ZDHHC18: variants seen among roughly 807,000 people sequenced by gnomAD.
ZDHHC18 encodes palmitoyltransferase ZDHHC18.
ZDHHC18 carries 23 observed loss-of-function variants against 37.5 expected under a neutral mutation model. The observed-to-expected ratio is 0.61, with a 90% CI of 0.44 to 0.87. The LOEUF (loss-of-function observed/expected upper bound fraction) is 0.87. Among genes scored for constraint, ZDHHC18 ranks in the 40% least tolerant of loss-of-function variants. The pLI is 0.00. For missense variants in ZDHHC18, 406 were observed against 525.6 expected (o/e 0.77, Z 2.22); for synonymous variants, 185 against 218.7 (o/e 0.85, Z 1.36).
chr1:26,848,865 C>G, intron 3 of ZDHHC18, 108 bp downstream of exon 3: 1 of 1,433,990 alleles, frequency 7.0e-7, no homozygotes, highest in East Asian at 2.5e-5. Context: ...CTGAAATACC[C>G]AGGGCTGGGC....
At chr1:26,830,902 C>T (rs577900310) in intron 1 of ZDHHC18, among the ~76,000 whole-genome samples, 12 of 152,274 alleles carry the variant, frequency 7.9e-5, no homozygotes, top group African/African-American at 2.9e-4. Flanking sequence ...CCTGTCTCAG[C>T]CTCCTGAGTA....
chr1:26,850,201 G>T lies in ZDHHC18; in HGVS notation c.647-100G>T. On this transcript the variant is annotated intron_variant, in intron 3 of 7. Coordinates refer to ENST00000374142, the MANE Select transcript of ZDHHC18 (RefSeq NM_032283.3). This position sits in a 1 kb window ranked among gnomAD's most constrained non-coding sequence, Gnocchi z 6.1. ...GGGAGCCAGCTGGTGCTGCGAGAGT[G>T]AACGGGGTAGGAAAGCCCCAGCCAT... 6.8e-7 allele frequency: 1 copy of T among 1,465,446 alleles called. No homozygotes were observed. The highest frequency in any genetic ancestry group is 2.1e-5 in the Admixed American group (1 of 47,620). The allele number at this position is 1,465,446 out of a possible 1,614,324, so 90.8% of individuals were successfully genotyped here. A position where few individuals can be genotyped will look rare whatever the true frequency, so the allele number is the denominator to read the frequency against.
Position 26,856,121 on chromosome 1 carries a change from C to T in ZDHHC18, c.*2278C>T, listed in dbSNP as rs1192432245. On this transcript the variant is annotated 3_prime_UTR_variant, in exon 8 of 8. Transcript: ENST00000374142. This position sits in a 1 kb window ranked among gnomAD's most constrained non-coding sequence, Gnocchi z 5.2. ...AGCTTCCCTGGCTACCACCTCCAAC[C>T]TGGGCACCAGGGCCCAGCCAGACAA... The T allele has an allele frequency of 2.3e-5, 10 of 427,448 alleles. No individual in the cohort carries two copies. Among genetic ancestry groups the T allele is most frequent in the South Asian group, 7.9e-5 (5 of 63,568 alleles). The allele number at this position is 427,448 out of a possible 1,614,324, so 26.5% of individuals were successfully genotyped here.
rs115831367 is a variant in ZDHHC18 at position 26,841,768 on chromosome 1, G to A, written c.497-6840G>A. Among the ~76,000 whole-genome samples the A allele has an allele frequency of 6.1e-3, 934 of 152,252 alleles. 4 individuals are homozygous for A. Among genetic ancestry groups the A allele is most frequent in the African/African-American group, 0.021 (877 of 41,536 alleles). ...GGAGGCTAGCACTGTGCTCAGGGCT[G>A]TGGAAGCATCTCATTCAGCCCTCAC... On this transcript the variant is annotated intron_variant, in intron 2 of 7. Transcript: ENST00000374142.
At chr1:26,840,846 AAACTTTCCCTTC>A (rs1036649840) in intron 2 of ZDHHC18, among the ~76,000 whole-genome samples, 3 of 151,730 alleles carry the variant, frequency 2.0e-5, no homozygotes, top group African/African-American at 7.3e-5. Flanking sequence ...TTGAACTCCT[AAACTTTCCCTTC>A]AACTTTCCCT....
At chr1:26,847,454 C>T (rs2081676021) in intron 2 of ZDHHC18, among the ~76,000 whole-genome samples, 1 of 152,136 alleles carries the variant, frequency 6.6e-6, no homozygotes, top group Admixed American at 6.6e-5. Context: ...TCAAGCAGTC[C>T]TCCCATCTTG....
At chr1:26,842,147 AAAAG>A (rs1399553015) in intron 2 of ZDHHC18, among the ~76,000 whole-genome samples, 4 of 148,742 alleles carry the variant, frequency 2.7e-5, no homozygotes, top group Non-Finnish European at 6.0e-5. Context: ...AAAAAAAAAA[AAAAG>A]AGAGAGAGAG....
Position 26,850,470 on chromosome 1 carries a change from A to G in ZDHHC18, c.784+32A>G, listed in dbSNP as rs1223396798. On this transcript the variant is annotated intron_variant, in intron 4 of 7. Coordinates refer to ENST00000374142, the MANE Select transcript of ZDHHC18 (RefSeq NM_032283.3). This position sits in a 1 kb window ranked among gnomAD's most constrained non-coding sequence, Gnocchi z 6.1. ...TGTGGGTGAGGGCAGTGGGGAGTGG[A>G]AGGGGTCAGCCAGCAAGCTCAAGGG... is the stretch of plus-strand genomic sequence containing the variant. The G allele has an allele frequency of 1.9e-6, 3 of 1,614,170 alleles. No individual in the cohort carries two copies. Among genetic ancestry groups the G allele is most frequent in the Non-Finnish European group, 2.5e-6 (3 of 1,180,002 alleles).
intron 2 of ZDHHC18, among the ~76,000 whole-genome samples, chr1:26,840,990 G>GA (rs200522319): frequency 1.3e-5 from 2 of 150,250 alleles, no homozygotes; most frequent in East Asian, 4.0e-4. Flanking sequence ...TTTGGGGGGA[G>GA]GGGGGGACAG....
At chr1:26,827,195 C>G in intron 1 of ZDHHC18, 56 bp downstream of exon 1, 1 of 1,264,626 alleles carries the variant, frequency 7.9e-7, no homozygotes. Flanking sequence ...ACCCCACCTT[C>G]CCAATCCCTG....
Position 26,827,104 on chromosome 1 carries a change from C to A in ZDHHC18, c.300C>A (p.Leu100=). The A allele has an allele frequency of 7.1e-7, 1 of 1,418,424 alleles. No homozygotes were observed. Among genetic ancestry groups the A allele is most frequent in the South Asian group, 1.4e-5 (1 of 69,706 alleles). 87.9% of individuals were successfully genotyped at this position (1,418,424 alleles called of 1,614,324 possible). The change falls in exon 1 of 8, where the codon CTC becomes CTA. Residue 100 remains leucine (L), a synonymous_variant. Transcript: ENST00000374142. ...GCGTCTTCGCGCTCACGCTGCTGCT[C>A]ATCCTCACCACCACCGGCCTCTTCT... is the stretch of plus-strand genomic sequence containing the variant. ...HGGVFALTLL[L]ILTTTGLFFV... is the part of the protein sequence containing the mutation.
At chr1:26,830,262 G>A (rs916372214) in intron 1 of ZDHHC18, among the ~76,000 whole-genome samples, 3 of 152,206 alleles carry the variant, frequency 2.0e-5, no homozygotes, top group African/African-American at 7.2e-5. Flanking sequence ...TGGGGTGATG[G>A]TTAAAAGTAT....
chr1:26,827,639 A>G (rs2081564723), intron 1 of ZDHHC18, among the ~76,000 whole-genome samples: 2 of 151,686 alleles, frequency 1.3e-5, no homozygotes, highest in South Asian at 2.1e-4. Context: ...CACACCCACC[A>G]TAAACATCCT....
intron 2 of ZDHHC18, among the ~76,000 whole-genome samples, chr1:26,836,261 T>C (rs2081610947): frequency 6.6e-6 from 1 of 152,116 alleles, no homozygotes; most frequent in Non-Finnish European, 1.5e-5. Context: ...ATACACCAGC[T>C]CCCAGACCCC....
intron 2 of ZDHHC18, among the ~76,000 whole-genome samples, chr1:26,846,294 A>G (rs867464444): frequency 0.096 from 3,628 of 37,926 alleles, 87 homozygotes; most frequent in Non-Finnish European, 0.12. Flanking sequence ...GTGTGTGTAT[A>G]TATATATATA....
chr1:26,829,124 C>T (rs2081572240), intron 1 of ZDHHC18, among the ~76,000 whole-genome samples: 1 of 152,134 alleles, frequency 6.6e-6, no homozygotes, highest in South Asian at 2.1e-4. Context: ...GGTAGATTGG[C>T]AGAAGAGTTT....
chr1:26,843,752 T>G (rs1428482867), intron 2 of ZDHHC18, among the ~76,000 whole-genome samples: 1 of 151,520 alleles, frequency 6.6e-6, no homozygotes, highest in African/African-American at 2.4e-5. Context: ...ATCATGCCAC[T>G]GCACTCCAGC....
Position 26,850,052 on chromosome 1 carries a change from G to A in ZDHHC18, c.647-249G>A, listed in dbSNP as rs2081694263. Among the ~76,000 whole-genome samples the A allele has an allele frequency of 6.6e-6, 1 of 152,230 alleles. No individual in the cohort carries two copies. The highest frequency in any genetic ancestry group is 6.5e-5 in the Admixed American group (1 of 15,292). On this transcript the variant is annotated intron_variant, in intron 3 of 7. Transcript: ENST00000374142. The surrounding 1 kb of genome is among the most constrained non-coding windows in gnomAD (Gnocchi z 6.1). ...CTGGGATTGGAAGAGACTTTCTTAA[G>A]GAGGTGGCTTTGCAGCTGAGACGCG...
At chr1:26,849,164 C>T (rs1015293907) in intron 3 of ZDHHC18, among the ~76,000 whole-genome samples, 1 of 152,220 alleles carries the variant, frequency 6.6e-6, no homozygotes, top group African/African-American at 2.4e-5. Context: ...TACTGAAAAA[C>T]TTTGATCTGA....
Sources: allele counts gnomAD v4.1 joint callset (sites outside exome capture counted in the v4.1 genomes callset), GRCh38; gene constraint gnomAD v4.1.1; non-coding constraint Gnocchi (gnomAD v3.1); transcripts MANE v1.5; gene names NCBI Gene and HGNC (gene_info 2026-07-23, HGNC 2026-07-21).